DZIP3: variants seen among roughly 807,000 people sequenced by gnomAD.
The protein encoded by DZIP3 is E3 ubiquitin-protein ligase DZIP3.
Under a neutral mutation model 162.0 loss-of-function variants are expected in DZIP3, and 118 were observed. That is an observed-to-expected ratio of 0.73 (90% confidence interval 0.63 to 0.85). DZIP3 has a LOEUF of 0.85. Ranked by LOEUF, DZIP3 falls within the 40% of genes least tolerant of loss-of-function variation. The pLI is 0.00. For synonymous variants in DZIP3, 438 were observed against 458.6 expected, an observed-to-expected ratio of 0.96 and a Z score of 0.57; for missense variants, 1,331 against 1,407.0, an observed-to-expected ratio of 0.95 and a Z score of 0.86.
At chr3:108,672,711 T>C (rs1943970202) in intron 23 of DZIP3, 55 bp downstream of exon 23, 2 of 1,278,762 alleles carry the variant, frequency 1.6e-6, no homozygotes, top group Non-Finnish European at 2.2e-6. Flanking sequence ...TTTACTTGTA[T>C]ACCATCATAC....
chr3:108,604,259 G>A (rs1005728832), intron 1 of DZIP3, among the ~76,000 whole-genome samples: 3 of 152,194 alleles, frequency 2.0e-5, no homozygotes, highest in Non-Finnish European at 4.4e-5. Flanking sequence ...ACTTCATCCA[G>A]TCTTGTGCTT....
intron 1 of DZIP3, among the ~76,000 whole-genome samples, chr3:108,596,743 A>T (rs989292447): frequency 2.0e-5 from 3 of 152,228 alleles, no homozygotes; most frequent in African/African-American, 7.2e-5. Context: ...TGAGTGCTTA[A>T]CGTGTGCCAG....
At chr3:108,678,397 C>T (rs534225840) in intron 26 of DZIP3, among the ~76,000 whole-genome samples, 1 of 152,166 alleles carries the variant, frequency 6.6e-6, no homozygotes, top group African/African-American at 2.4e-5. Flanking sequence ...TGAAACCAGT[C>T]CCTGGTGCCG....
At chr3:108,647,882 A>AT in intron 15 of DZIP3, 61 bp from the exon 16 acceptor site, 1 of 1,373,490 alleles carries the variant, frequency 7.3e-7, no homozygotes, top group Non-Finnish European at 9.7e-7. Flanking sequence ...ACATTATAAC[A>AT]TTGATAAGAA....
At chr3:108,609,601 C>T (rs1359773299) in intron 3 of DZIP3, among the ~76,000 whole-genome samples, 1 of 152,156 alleles carries the variant, frequency 6.6e-6, no homozygotes, top group Non-Finnish European at 1.5e-5. Flanking sequence ...CTTTGGGAGG[C>T]TAATGTGGGC....
At chr3:108,591,398 C>G (rs1261325178) in intron 1 of DZIP3, among the ~76,000 whole-genome samples, 2 of 152,242 alleles carry the variant, frequency 1.3e-5, no homozygotes, top group Non-Finnish European at 2.9e-5. Context: ...TAGTGTTGGA[C>G]TTTTCATCTG....
At position 108,646,650 on chromosome 3, in the gene DZIP3, G is replaced by GT. The variant is rs779372039; in HGVS notation, c.1792+2dup. 6 of 1,552,284 alleles carry GT rather than the reference G, an allele frequency of 3.9e-6. No homozygotes were observed. The highest frequency in any genetic ancestry group is 5.2e-6 in the Non-Finnish European group (6 of 1,152,014). On this transcript the variant is annotated splice_donor_variant, in intron 15 of 32. Coordinates refer to ENST00000361582, the MANE Select transcript of DZIP3 (RefSeq NM_014648.4). LOFTEE classifies it high-confidence loss of function. ...CTACAGTCAATAACAGGCAGTCAGC[G>GT]TAAGTATATTTAGAAATAAAATGTG...
chr3:108,669,874 C>A, intron 22 of DZIP3, 125 bp downstream of exon 22: 1 of 725,770 alleles, frequency 1.4e-6, no homozygotes, highest in Non-Finnish European at 2.3e-6. Context: ...TGATATTGAA[C>A]AGTACTAATA....
intron 4 of DZIP3, among the ~76,000 whole-genome samples, chr3:108,615,118 G>A (rs1940932947): frequency 6.6e-6 from 1 of 152,132 alleles, no homozygotes; most frequent in Non-Finnish European, 1.5e-5. Context: ...ACTGAATATG[G>A]CAATTACTTT....
At chr3:108,605,143 A>C (rs1559719648) in intron 1 of DZIP3, among the ~76,000 whole-genome samples, 192 bp from the exon 2 acceptor site, 1 of 152,168 alleles carries the variant, frequency 6.6e-6, no homozygotes, top group Non-Finnish European at 1.5e-5. Flanking sequence ...AATTGGTAAA[A>C]TATACCTATG....
chr3:108,640,949 G>GTT (rs370448971), intron 12 of DZIP3, among the ~76,000 whole-genome samples: 3 of 145,732 alleles, frequency 2.1e-5, no homozygotes, highest in African/African-American at 7.5e-5. Flanking sequence ...CTTTTAAATT[G>GTT]TTTTTTTTTT....
At chr3:108,656,252 G>A (rs1943113225) in intron 19 of DZIP3, among the ~76,000 whole-genome samples, 1 of 152,180 alleles carries the variant, frequency 6.6e-6, no homozygotes, top group South Asian at 2.1e-4. Context: ...CCCAGTAGGG[G>A]CAGACTGACA....
chr3:108,625,338 CT>C (rs1377559686), intron 6 of DZIP3, among the ~76,000 whole-genome samples: 1 of 152,126 alleles, frequency 6.6e-6, no homozygotes, highest in Non-Finnish European at 1.5e-5. Flanking sequence ...AAGAATTGTG[CT>C]CCCATTAGGA....
chr3:108,598,654 A>T (rs2107446383), intron 1 of DZIP3, among the ~76,000 whole-genome samples: 1 of 152,304 alleles, frequency 6.6e-6, no homozygotes, highest in Admixed American at 6.5e-5. Context: ...ACATGAAAGA[A>T]GTATTCCCAT....
In DZIP3 at chr3:108,632,330, C is replaced by A. The variant is rs573771827; in HGVS notation, c.697-623C>A. 5.9e-5 allele frequency among the ~76,000 whole-genome samples: 9 copies of A among 152,286 alleles called. No homozygotes were observed. In the East Asian group the frequency reaches 1.7e-3, roughly 29 times the overall value. On this transcript the variant is annotated intron_variant, in intron 8 of 32. Coordinates refer to ENST00000361582, the MANE Select transcript of DZIP3 (RefSeq NM_014648.4). ...CCATAGCTCACTGCAGCTTTGAACTCCTGGGCTCAAGCAGTCTCCCTGCCT... is the reference window on the plus strand; with the variant it reads ...CCATAGCTCACTGCAGCTTTGAACTACTGGGCTCAAGCAGTCTCCCTGCCT...
At chr3:108,669,440 T>G (rs998463126) in intron 21 of DZIP3, among the ~76,000 whole-genome samples, 2 of 151,962 alleles carry the variant, frequency 1.3e-5, no homozygotes, top group Non-Finnish European at 2.9e-5. Context: ...TCTCTTTTGC[T>G]TTCTAATTTA....
intron 4 of DZIP3, among the ~76,000 whole-genome samples, chr3:108,612,604 C>A (rs1217498458): frequency 6.6e-6 from 1 of 152,092 alleles, no homozygotes; most frequent in East Asian, 1.9e-4. Flanking sequence ...ATGCCCAAGT[C>A]TCTTATGTAA....
Position 108,625,969 on chromosome 3 carries a change from G to A in DZIP3, c.581G>A (p.Arg194Lys). ...GGTTTACTGCGATGTGCTCAAAAGA[G>A]GTAAGGATTTTAATTAACGGGTAGA... ...GRGLLRCAQK[R>K]YNGGLLEFHK... is the part of the protein sequence containing the mutation. Residue 194 changes from arginine to lysine, a missense_variant and splice_region_variant, in exon 7 of 33, where the codon AGA becomes AAA. Arg to Lys is a conservative substitution (Grantham distance 26, BLOSUM62 2). This residue lies in a region of DZIP3 where 1,278 missense variants were observed against 1,317.1 expected (regional missense o/e 0.97). Transcript: ENST00000361582. The A allele has an allele frequency of 1.9e-6, 3 of 1,610,886 alleles. No individual in the cohort carries two copies. The highest frequency in any genetic ancestry group is 2.5e-6 in the Non-Finnish European group (3 of 1,178,936).
chr3:108,630,434 A>G (rs1363062039), intron 8 of DZIP3, among the ~76,000 whole-genome samples: 2 of 152,260 alleles, frequency 1.3e-5, no homozygotes, highest in East Asian at 1.9e-4. Context: ...ACCTAGTAAT[A>G]TAGCTTCAAA....
Sources: allele counts gnomAD v4.1 joint callset (sites outside exome capture counted in the v4.1 genomes callset), GRCh38; gene constraint gnomAD v4.1.1; regional missense constraint gnomAD v4.1.1; transcripts MANE v1.5; gene names NCBI Gene and HGNC (gene_info 2026-07-23, HGNC 2026-07-21).